Variants in PTPN12 observed in about 807,000 individuals in gnomAD.
The protein encoded by PTPN12 is protein tyrosine phosphatase non-receptor type 12.
PTPN12 carries 29 observed loss-of-function variants against 97.6 expected under a neutral mutation model. The ratio of observed to expected loss-of-function variants is 0.30; its 90% CI spans 0.22 to 0.41. PTPN12 has a LOEUF of 0.41. PTPN12 is among the 10% of genes least tolerant of loss of function. PTPN12 has a pLI of 1.00. For missense variants in PTPN12, 819 were observed against 926.0 expected, an observed-to-expected ratio of 0.88 and a Z score of 1.50; for synonymous variants, 327 against 300.4, an observed-to-expected ratio of 1.09 and a Z score of -0.91.
intron 14 of PTPN12, among the ~76,000 whole-genome samples, chr7:77,634,632 A>T (rs1279921659): frequency 1.3e-5 from 2 of 151,158 alleles, no homozygotes; most frequent in African/African-American, 4.9e-5. Context: ...TTTAGTAGAG[A>T]CAGGGTTTCA....
At chr7:77,585,682 C>A in intron 5 of PTPN12, 101 bp downstream of exon 5, 1 of 1,025,500 alleles carries the variant, frequency 9.8e-7, no homozygotes, top group Admixed American at 2.2e-5. Flanking sequence ...GTAGATACTT[C>A]TTTTATTTTG....
intron 9 of PTPN12, among the ~76,000 whole-genome samples, chr7:77,610,052 C>T (rs1449703331): frequency 6.6e-6 from 1 of 152,204 alleles, no homozygotes; most frequent in East Asian, 1.9e-4. Flanking sequence ...GTTTCTCACT[C>T]TTTCAGACTG....
chr7:77,605,045 T>C (rs1340044646), intron 8 of PTPN12: 3 of 166,670 alleles, frequency 1.8e-5, no homozygotes, highest in Non-Finnish European at 2.6e-5. Flanking sequence ...ATTTTAGATA[T>C]ATATAATTTA....
At chr7:77,564,795 T>G (rs11983397) in intron 1 of PTPN12, among the ~76,000 whole-genome samples, 84,852 of 120,922 alleles carry the variant, frequency 0.7, 31,228 homozygotes, top group East Asian at 0.91. Flanking sequence ...ATCTCGCCCT[T>G]GTGCCAGGCT....
intron 2 of PTPN12, among the ~76,000 whole-genome samples, chr7:77,573,127 C>A (rs1787217534): frequency 7.0e-6 from 1 of 143,624 alleles, no homozygotes; most frequent in African/African-American, 2.6e-5. Context: ...GTGTACCTAG[C>A]ACATAGTAAC....
chr7:77,571,715 ATTTATTTG>A (rs1008363262), intron 2 of PTPN12, among the ~76,000 whole-genome samples: 37 of 106,674 alleles, frequency 3.5e-4, no homozygotes, highest in Middle Eastern at 5.0e-3. Flanking sequence ...TTATTTATTT[ATTTATTTG>A]TTTGTTTGTT....
chr7:77,549,930 A>C (rs1268346144), intron 1 of PTPN12, among the ~76,000 whole-genome samples: 1 of 152,162 alleles, frequency 6.6e-6, no homozygotes, highest in Non-Finnish European at 1.5e-5. Flanking sequence ...CCCTGATCAT[A>C]TGTCAGAAAT....
At chr7:77,555,132 CAG>C (rs1340860105) in intron 1 of PTPN12, among the ~76,000 whole-genome samples, 9 of 151,818 alleles carry the variant, frequency 5.9e-5, no homozygotes, top group African/African-American at 1.7e-4. Context: ...GTTTCTGAAA[CAG>C]AGTCAGATGT....
At chr7:77,574,682 A>T (rs1259052353) in intron 2 of PTPN12, among the ~76,000 whole-genome samples, 1 of 152,210 alleles carries the variant, frequency 6.6e-6, no homozygotes, top group South Asian at 2.1e-4. Context: ...TCGCCAAAAT[A>T]TATGAGTGTC....
At chr7:77,632,323 C>CTA (rs768046334) in intron 13 of PTPN12, 25 bp from the exon 14 acceptor site, 1 of 1,508,058 alleles carries the variant, frequency 6.6e-7, no homozygotes, top group Non-Finnish European at 9.2e-7. Context: ...GTTAATTTGT[C>CTA]TAAATTTTTA....
At chr7:77,584,584 A>G (rs1312732726) in intron 4 of PTPN12, among the ~76,000 whole-genome samples, 1 of 152,152 alleles carries the variant, frequency 6.6e-6, no homozygotes, top group Non-Finnish European at 1.5e-5. Context: ...TATAAAAATT[A>G]TGTTCTAGAT....
Position 77,638,607 on chromosome 7 carries a change from T to C in PTPN12, c.2174-17T>C, listed in dbSNP as rs1789689554. 6.4e-7 allele frequency: 1 copy of C among 1,566,474 alleles called. No individual in the cohort carries two copies. Among genetic ancestry groups the C allele is most frequent in the Non-Finnish European group, 8.6e-7 (1 of 1,162,496 alleles). ...ACAAAGGATGGTGATTAACAAAGGC[T>C]TTGTGTTGCTACTTAGATCATCCAG... On this transcript the variant is annotated splice_polypyrimidine_tract_variant and intron_variant, in intron 16 of 17. Coordinates refer to ENST00000248594, the MANE Select transcript of PTPN12 (RefSeq NM_002835.4).
rs557560724 is a variant in PTPN12 at position 77,609,273 on chromosome 7, C to CTCTTT, written c.763-1491_763-1490insCTTTT. 6.9e-3 allele frequency among the ~76,000 whole-genome samples: 879 copies of CTCTTT among 126,886 alleles called. 18 individuals carry two copies. Among genetic ancestry groups the CTCTTT allele is most frequent in the African/African-American group, 0.024 (816 of 33,640 alleles). The allele number at this position is 126,886 out of a possible 152,430, so 83.2% of individuals were successfully genotyped here. On this transcript the variant is annotated intron_variant, in intron 9 of 17. Transcript: ENST00000248594. ...ATTTTGAACATAGTTCTCTCTCTCT[C>CTCTTT]TTTTTTTTTTTTTTTTGAGATGGAG... is the stretch of plus-strand genomic sequence containing the variant.
intron 1 of PTPN12, among the ~76,000 whole-genome samples, chr7:77,563,405 A>C (rs1178512477): frequency 2.6e-5 from 4 of 152,212 alleles, no homozygotes; most frequent in African/African-American, 9.6e-5. Context: ...TGCATATCTA[A>C]ATAATTACTG....
At chr7:77,547,864 G>T (rs1192047149) in intron 1 of PTPN12, among the ~76,000 whole-genome samples, 2 of 152,252 alleles carry the variant, frequency 1.3e-5, no homozygotes, top group East Asian at 3.9e-4. Context: ...GTTTTAGATG[G>T]GAAGAACAGG....
rs1031789993 is a variant in PTPN12, at chr7:77,580,785, T to G, written c.209-642T>G. Among the ~76,000 whole-genome samples, 14 of 152,316 alleles carry G rather than the reference T, an allele frequency of 9.2e-5. No individual in the cohort carries two copies. The East Asian group carries it at 1.5e-3, about 17-fold the overall frequency. The stretch of plus-strand genomic sequence containing the variant: ...CTCAATTCATTAATTTGTTATAATT[T>G]GCTTTTTATAGTTTCTTGTGAAATA... On this transcript the variant is annotated intron_variant, in intron 2 of 17. Transcript: ENST00000248594.
At chr7:77,571,450 C>G (rs1165116056) in intron 2 of PTPN12, among the ~76,000 whole-genome samples, 2 of 152,042 alleles carry the variant, frequency 1.3e-5, no homozygotes, top group Admixed American at 6.6e-5. Context: ...GTGAAAATAT[C>G]TTCTGTCAAC....
chr7:77,637,757 T>C (rs1298585412), intron 16 of PTPN12, among the ~76,000 whole-genome samples: 1 of 145,478 alleles, frequency 6.9e-6, no homozygotes, highest in Non-Finnish European at 1.5e-5. Context: ...CTAGGGAGAC[T>C]GAGGCAGGAG....
chr7:77,557,459 A>T (rs1377253679), intron 1 of PTPN12, among the ~76,000 whole-genome samples: 1 of 152,184 alleles, frequency 6.6e-6, no homozygotes, highest in Non-Finnish European at 1.5e-5. Context: ...TCTCTTACAG[A>T]TCTAAGAAAA....
Sources: allele counts gnomAD v4.1 joint callset (sites outside exome capture counted in the v4.1 genomes callset), GRCh38; gene constraint gnomAD v4.1.1; transcripts MANE v1.5; gene names NCBI Gene and HGNC (gene_info 2026-07-23, HGNC 2026-07-21).